The following EIF3A variants were observed in gnomAD, a reference collection of about 807,000 sequenced individuals.
EIF3A encodes eukaryotic translation initiation factor 3 subunit A, also known as EIF3, p180 subunit.
A neutral mutation model predicts 186.6 loss-of-function variants in EIF3A; 21 were observed. The observed-to-expected ratio is 0.11, with a 90% CI of 0.08 to 0.16. The LOEUF (loss-of-function observed/expected upper bound fraction) is 0.16, where lower values mean the gene tolerates loss of function less well. Ranked by LOEUF, EIF3A falls within the 10% of genes least tolerant of loss-of-function variation. The probability of loss-of-function intolerance (pLI) is 1.00; values close to 1 mark genes in which losing one functional copy is unlikely to be tolerated. For synonymous variants in EIF3A, 563 were observed against 584.3 expected (o/e 0.96, Z 0.52); for missense variants, 1,306 against 1,796.3 (o/e 0.73, Z 4.93).
chr10:119,059,781 A>C (rs1410868746), intron 9 of EIF3A, 63 bp from the exon 10 acceptor site: 1 of 1,033,268 alleles, frequency 9.7e-7, no homozygotes, highest in African/African-American at 1.6e-5. Context: ...TTTATGTGCA[A>C]TCTCATGACA....
chr10:119,074,283 C>G (rs904968584), intron 1 of EIF3A, among the ~76,000 whole-genome samples: 3 of 151,920 alleles, frequency 2.0e-5, no homozygotes, highest in African/African-American at 7.3e-5. Context: ...CTGGCCAATA[C>G]GGTGAAACCC....
chr10:119,035,455 CCTT>C lies in EIF3A; in HGVS notation c.*581_*583del, dbSNP rs1476463420. 1 of 149,352 alleles carries C rather than the reference CCTT, an allele frequency of 6.7e-6. No homozygotes were observed. Among genetic ancestry groups the C allele is most frequent in the Non-Finnish European group, 1.5e-5 (1 of 67,040 alleles). 9.3% of individuals were successfully genotyped at this position (149,352 alleles called of 1,614,324 possible). ...ACAACTGCAAATTGCTTTGTACTCA[CCTT>C]CTCTCAAGTAAAATCTAAAGAAAAC... On this transcript the variant is annotated 3_prime_UTR_variant, in exon 22 of 22. Transcript: ENST00000369144.
intron 19 of EIF3A, among the ~76,000 whole-genome samples, chr10:119,040,269 C>T (rs1019260422): frequency 3.3e-5 from 5 of 152,078 alleles, no homozygotes; most frequent in African/African-American, 1.2e-4. Flanking sequence ...GGACCAAGTA[C>T]AAGCAATGGG....
rs139877301 is a variant in EIF3A, at chr10:119,060,760, G to A, written c.1312C>T (p.Arg438Cys). 1.1e-5 allele frequency: 17 copies of A among 1,606,912 alleles called. No homozygotes were observed. Among genetic ancestry groups the A allele is most frequent in the Admixed American group, 3.4e-5 (2 of 58,852 alleles). ...TTTATTTTTACCTGCTGCAGAAGGC[G>A]GAGGATGGTGTTGTTTTGCAGTTGT... ...VPQLQNNTIL[R>C]LLQQVSQIYQ... is the part of the protein sequence containing the mutation. Residue 438 changes from arginine to cysteine, a missense_variant, in exon 9 of 22, where the codon CGC becomes TGC. Arg to Cys is a radical substitution (Grantham distance 180). This residue lies in a region of EIF3A where 267 missense variants were observed against 367.8 expected (regional missense o/e 0.73). Coordinates refer to ENST00000369144, the MANE Select transcript of EIF3A (RefSeq NM_003750.4).
In EIF3A at chr10:119,037,285, T is replaced by A; in HGVS notation, c.3753A>T (p.Gly1251=). Residue 1251 remains glycine (G), a synonymous_variant, in exon 21 of 22, where the codon GGA becomes GGT. Transcript: ENST00000369144. ...RPRDEGGWRR[G]PAEESSSWRD... ...TCCAGCTTGAAGATTCCTCAGCTGG[T>A]CCTCTTCTCCAGCCACCTTCATCCC... The A allele has an allele frequency of 6.2e-7, 1 of 1,614,086 alleles. No individual in the cohort carries two copies.
intron 1 of EIF3A, among the ~76,000 whole-genome samples, chr10:119,075,668 C>A (rs1344718979): frequency 9.0e-5 from 8 of 88,822 alleles, no homozygotes; most frequent in South Asian, 4.1e-4. Context: ...ATATATATAT[C>A]TCCTTTTTAA....
At chr10:119,067,867 G>A (rs1052728000) in intron 6 of EIF3A, among the ~76,000 whole-genome samples, 3 of 151,960 alleles carry the variant, frequency 2.0e-5, no homozygotes, top group East Asian at 1.9e-4. Flanking sequence ...CTGGAGTGCA[G>A]TGGCACAATC....
intron 1 of EIF3A, among the ~76,000 whole-genome samples, chr10:119,075,545 TCA>T (rs1425313197): frequency 3.5e-5 from 5 of 141,108 alleles, no homozygotes; most frequent in Non-Finnish European, 4.5e-5. Flanking sequence ...ATTGCAAATT[TCA>T]CACACACACA....
chr10:119,074,661 C>G (rs1309693210), intron 1 of EIF3A, among the ~76,000 whole-genome samples: 1 of 150,470 alleles, frequency 6.6e-6, no homozygotes, highest in Non-Finnish European at 1.5e-5. Flanking sequence ...GGGCCGGGAG[C>G]GGTGGCTTAT....
intron 8 of EIF3A, 37 bp downstream of exon 8, chr10:119,061,187 C>T (rs1843879195): frequency 8.1e-7 from 1 of 1,228,194 alleles, no homozygotes; most frequent in Middle Eastern, 1.9e-4. Context: ...AAGGCCAACT[C>T]TGTGGTAACA....
chr10:119,077,067 G>A (rs1446470342), intron 1 of EIF3A, among the ~76,000 whole-genome samples: 1 of 152,106 alleles, frequency 6.6e-6, no homozygotes, highest in Non-Finnish European at 1.5e-5. Flanking sequence ...GAAAATCACA[G>A]CAGCAGCACT....
chr10:119,060,633 G>A, intron 9 of EIF3A, 113 bp downstream of exon 9: 1 of 639,384 alleles, frequency 1.6e-6, no homozygotes, highest in Non-Finnish European at 2.6e-6. Flanking sequence ...ATTTTTGCCA[G>A]GGGCAGAACT....
At chr10:119,045,884 G>A (rs1262672275) in intron 17 of EIF3A, among the ~76,000 whole-genome samples, 1 of 152,178 alleles carries the variant, frequency 6.6e-6, no homozygotes, top group East Asian at 1.9e-4. Flanking sequence ...TCCAAGAGCA[G>A]AATGGCCCTG....
intron 1 of EIF3A, among the ~76,000 whole-genome samples, chr10:119,076,923 G>A (rs2133424935): frequency 7.9e-6 from 1 of 126,686 alleles, no homozygotes; most frequent in Admixed American, 8.9e-5. Flanking sequence ...GCAATAGAGG[G>A]AGAGACTCTG....
At chr10:119,049,478 A>G (rs1455190112) in intron 17 of EIF3A, among the ~76,000 whole-genome samples, 1 of 122,580 alleles carries the variant, frequency 8.2e-6, no homozygotes, top group Non-Finnish European at 1.7e-5. Flanking sequence ...TGGGCAATGA[A>G]GCGAGACTCT....
At chr10:119,073,687 G>A in intron 2 of EIF3A, 60 bp downstream of exon 2, 2 of 1,561,028 alleles carry the variant, frequency 1.3e-6, no homozygotes, top group Non-Finnish European at 1.7e-6. Context: ...CGAAAGGTAA[G>A]TTCTTCGGCA....
At chr10:119,066,019 G>C (rs1011086645) in intron 6 of EIF3A, among the ~76,000 whole-genome samples, 5 of 152,090 alleles carry the variant, frequency 3.3e-5, no homozygotes, top group African/African-American at 1.2e-4. Context: ...AGGAGGCTGA[G>C]GCAGGAGAAT....
At chr10:119,055,390 A>C (rs1228342523) in intron 14 of EIF3A, among the ~76,000 whole-genome samples, 1 of 152,176 alleles carries the variant, frequency 6.6e-6, no homozygotes, top group East Asian at 1.9e-4. Context: ...CAACAGTAAC[A>C]TCAAAGATCA....
Position 119,080,813 on chromosome 10 carries a change from A to G in EIF3A, c.-137T>C. ...CCCGCGCCCAGCCGGCCAGAGACGG[A>G]AAGGAAGGAGCCACGTGACCTCCCC... On this transcript the variant is annotated 5_prime_UTR_variant, in exon 1 of 22. Transcript: ENST00000369144. 1 of 1,415,430 alleles carries G rather than the reference A, an allele frequency of 7.1e-7. No homozygotes were observed. The highest frequency in any genetic ancestry group is 9.2e-7 in the Non-Finnish European group (1 of 1,083,100). The allele number at this position is 1,415,430 out of a possible 1,614,324, so 87.7% of individuals were successfully genotyped here. A position where few individuals can be genotyped will look rare whatever the true frequency, so the allele number is the denominator to read the frequency against.
Sources: gnomAD v4.1 joint callset for allele counts (sites outside exome capture counted in the v4.1 genomes callset) on GRCh38, gnomAD v4.1.1 for gene constraint, gnomAD v4.1.1 regional missense constraint, MANE v1.5 for transcripts, NCBI Gene and HGNC (gene_info 2026-07-23, HGNC 2026-07-21) for gene names.